The following KIFAP3 variants were observed in gnomAD, a reference collection of about 807,000 sequenced individuals.
The protein encoded by KIFAP3 is kinesin-associated protein 3.
Under a neutral mutation model 106.5 loss-of-function variants are expected in KIFAP3, and 68 were observed. That is an observed-to-expected ratio of 0.64 (90% confidence interval 0.53 to 0.78). The LOEUF (loss-of-function observed/expected upper bound fraction) is 0.78, where lower values mean the gene tolerates loss of function less well. Among genes scored for constraint, KIFAP3 ranks in the 30% least tolerant of loss-of-function variants. KIFAP3 has a pLI of 0.00. For synonymous variants in KIFAP3, 320 were observed against 311.5 expected, an observed-to-expected ratio of 1.03 and a Z score of -0.29; for missense variants, 780 against 941.8, an observed-to-expected ratio of 0.83 and a Z score of 2.25.
At chr1:170,025,389 C>T (rs917469037) in intron 8 of KIFAP3, among the ~76,000 whole-genome samples, 1 of 152,024 alleles carries the variant, frequency 6.6e-6, no homozygotes, top group African/African-American at 2.4e-5. Context: ...AGTCTTTTTG[C>T]TCTCTTGTGG....
chr1:169,970,797 T>C (rs1292956580), intron 17 of KIFAP3, among the ~76,000 whole-genome samples: 2 of 152,056 alleles, frequency 1.3e-5, no homozygotes, highest in Non-Finnish European at 2.9e-5. Context: ...ATGGTCTTTT[T>C]AGTGAACACC....
At chr1:169,938,894 G>C (rs553764379) in intron 19 of KIFAP3, among the ~76,000 whole-genome samples, 56 of 152,308 alleles carry the variant, frequency 3.7e-4, no homozygotes, top group African/African-American at 1.3e-3. Flanking sequence ...AAAGAACTTG[G>C]TGAATGTCTG....
rs577737311 is a variant in KIFAP3 at position 170,004,020 on chromosome 1, T to C, written c.1184-11765A>G. Among the ~76,000 whole-genome samples the C allele has an allele frequency of 7.4e-3, 1,127 of 152,262 alleles. 6 individuals are homozygous for C. Among genetic ancestry groups the C allele is most frequent in the Non-Finnish European group, 0.011 (724 of 68,022 alleles). On this transcript the variant is annotated intron_variant, in intron 10 of 19. Transcript: ENST00000361580. ...AAGCAACTTCAGCAAAGTCTCAGGA[T>C]ACAAAATCAATGTGCAAAAATCACA... is the stretch of plus-strand genomic sequence containing the variant.
Position 169,921,737 on chromosome 1 carries a change from C to T in KIFAP3, c.2318G>A (p.Arg773His), listed in dbSNP as rs199699281. Residue 773 changes from arginine to histidine, a missense_variant, in exon 20 of 20, where the codon CGC (arginine) becomes CAC (histidine). Physicochemically the swap from Arg to His is conservative, Grantham distance 29. Transcript: ENST00000361580. The part of the protein sequence containing the change: ...GFGQPVGILG[R>H]PATAYGFRPD... ...GCGGAATCCATATGCTGTGGCAGGG[C>T]GTCCAAGAATGCCAACTGGTTGGCC... is the stretch of plus-strand genomic sequence containing the variant. The T allele has an allele frequency of 7.4e-6, 12 of 1,613,766 alleles. No homozygotes were observed. The East Asian group carries it at 1.1e-4, about 15-fold the overall frequency.
chr1:170,022,122 G>C (rs1315213562), intron 9 of KIFAP3, among the ~76,000 whole-genome samples: 1 of 151,380 alleles, frequency 6.6e-6, no homozygotes, highest in Non-Finnish European at 1.5e-5. Context: ...GCTAATTTTT[G>C]TATTTTTAGT....
chr1:170,059,590 A>C (rs1234770358), intron 1 of KIFAP3, among the ~76,000 whole-genome samples: 1 of 152,226 alleles, frequency 6.6e-6, no homozygotes, highest in Non-Finnish European at 1.5e-5. Flanking sequence ...CAGAGGTACA[A>C]GGAGGAACTG....
At chr1:170,065,831 T>C (rs1671417033) in intron 1 of KIFAP3, among the ~76,000 whole-genome samples, 1 of 152,174 alleles carries the variant, frequency 6.6e-6, no homozygotes, top group Non-Finnish European at 1.5e-5. Context: ...CCAGTGGCTA[T>C]GTATTTGATG....
At chr1:170,008,815 A>C (rs1051198895) in intron 10 of KIFAP3, among the ~76,000 whole-genome samples, 2 of 152,244 alleles carry the variant, frequency 1.3e-5, no homozygotes, top group Admixed American at 6.5e-5. Context: ...AGACACATGC[A>C]CACATATGTT....
intron 1 of KIFAP3, among the ~76,000 whole-genome samples, chr1:170,080,778 A>G (rs1672006844): frequency 6.6e-6 from 1 of 152,132 alleles, no homozygotes; most frequent in Admixed American, 6.5e-5. Context: ...AGTACAATGT[A>G]TGTATATAAT....
chr1:169,960,967 T>C (rs1258319083), intron 18 of KIFAP3, 79 bp downstream of exon 18: 1 of 1,048,910 alleles, frequency 9.5e-7, no homozygotes, highest in Non-Finnish European at 1.4e-6. Context: ...TTATTAAGCT[T>C]GGGAATGTGC....
At chr1:169,964,579 G>T (rs59512154) in intron 17 of KIFAP3, among the ~76,000 whole-genome samples, 11 of 152,246 alleles carry the variant, frequency 7.2e-5, no homozygotes, top group African/African-American at 2.6e-4. Flanking sequence ...TTCTGGTCTG[G>T]TAAGTATATT....
intron 19 of KIFAP3, among the ~76,000 whole-genome samples, chr1:169,923,821 C>A (rs544167981): frequency 6.6e-5 from 10 of 152,318 alleles, no homozygotes; most frequent in African/African-American, 2.2e-4. Context: ...CAAGGAGCGT[C>A]TCAGCTACAA....
chr1:169,932,469 T>A (rs1049899779), intron 19 of KIFAP3, among the ~76,000 whole-genome samples: 2 of 152,108 alleles, frequency 1.3e-5, no homozygotes, highest in Non-Finnish European at 2.9e-5. Context: ...GATAATGCAC[T>A]ATTGAAATGA....
intron 8 of KIFAP3, among the ~76,000 whole-genome samples, chr1:170,026,180 C>A (rs1443439803): frequency 6.6e-6 from 1 of 152,100 alleles, no homozygotes; most frequent in East Asian, 1.9e-4. Flanking sequence ...TTTTCCAGAG[C>A]CTTCAGAGAG....
intron 11 of KIFAP3, among the ~76,000 whole-genome samples, chr1:169,991,304 C>G (rs1667092145): frequency 6.6e-6 from 1 of 150,538 alleles, no homozygotes; most frequent in Non-Finnish European, 1.5e-5. Flanking sequence ...TATGACTGTA[C>G]CACTGAACTT....
At chr1:170,040,000 T>C (rs1669890747) in intron 3 of KIFAP3, among the ~76,000 whole-genome samples, 1 of 152,128 alleles carries the variant, frequency 6.6e-6, no homozygotes, top group African/African-American at 2.4e-5. Context: ...GTAATGTATG[T>C]AAATTAAAGT....
rs560104230 is a variant in KIFAP3, at chr1:170,060,793, T to G, written c.33-5357A>C. ...AGGCTACAGTAACCAAAACAGCATG[T>G]TACTGGTACCAAAACTGAGATATAG... is the stretch of plus-strand genomic sequence containing the variant. On this transcript the variant is annotated intron_variant, in intron 1 of 19. Coordinates refer to ENST00000361580, the MANE Select transcript of KIFAP3 (RefSeq NM_014970.4). 3.7e-4 allele frequency among the ~76,000 whole-genome samples: 57 copies of G among 152,168 alleles called. 1 individual carries two copies. The highest frequency in any genetic ancestry group is 3.7e-3 in the South Asian group (18 of 4,812).
intron 19 of KIFAP3, among the ~76,000 whole-genome samples, chr1:169,932,198 A>G (rs1049442906): frequency 2.6e-5 from 4 of 152,188 alleles, no homozygotes; most frequent in African/African-American, 4.8e-5. Flanking sequence ...TGTTTGGGGA[A>G]CTAGAAAGCA....
intron 17 of KIFAP3, among the ~76,000 whole-genome samples, chr1:169,970,935 T>A (rs1037259342): frequency 6.6e-6 from 1 of 151,996 alleles, no homozygotes; most frequent in African/African-American, 2.4e-5. Flanking sequence ...TAAGACAGTA[T>A]CTAGAAGAGA....
Sources: allele counts gnomAD v4.1 joint callset (sites outside exome capture counted in the v4.1 genomes callset), GRCh38; gene constraint gnomAD v4.1.1; transcripts MANE v1.5; gene names NCBI Gene and HGNC (gene_info 2026-07-23, HGNC 2026-07-21).